PDGFD: variants seen among roughly 807,000 people sequenced by gnomAD.
The protein encoded by PDGFD is platelet derived growth factor D.
In PDGFD, 30 loss-of-function variants were observed where a neutral mutation model predicts 44.7. That is an observed-to-expected ratio of 0.67 (90% confidence interval 0.50 to 0.91). The LOEUF (loss-of-function observed/expected upper bound fraction) is 0.91. Among genes scored for constraint, PDGFD ranks in the 40% least tolerant of loss-of-function variants. The pLI, the probability that PDGFD is intolerant of heterozygous loss-of-function variation, is 0.00. For synonymous variants in PDGFD, 173 were observed against 168.4 expected, an observed-to-expected ratio of 1.03 and a Z score of -0.21; for missense variants, 445 against 457.8, an observed-to-expected ratio of 0.97 and a Z score of 0.25.
chr11:103,995,304 G>A (rs1416044651), intron 3 of PDGFD, among the ~76,000 whole-genome samples: 1 of 152,144 alleles, frequency 6.6e-6, no homozygotes. Flanking sequence ...CAAAGAACAG[G>A]AACTTACTAT....
intron 1 of PDGFD, among the ~76,000 whole-genome samples, chr11:104,144,529 C>A (rs551612908): frequency 0.13 from 11,362 of 89,582 alleles, 720 homozygotes; most frequent in South Asian, 0.23. Context: ...AAAAAAAAAA[C>A]CCAACAAAAC....
chr11:104,027,608 C>T (rs1860061737), intron 1 of PDGFD, among the ~76,000 whole-genome samples: 1 of 152,178 alleles, frequency 6.6e-6, no homozygotes, highest in Non-Finnish European at 1.5e-5. Flanking sequence ...GGCACTTAAG[C>T]TCTACTTTTG....
chr11:103,960,698 G>C (rs1417927007), intron 3 of PDGFD, among the ~76,000 whole-genome samples: 1 of 152,116 alleles, frequency 6.6e-6, no homozygotes, highest in Admixed American at 6.6e-5. Flanking sequence ...TAGTCAGTTG[G>C]AGCAGCTAGA....
rs559153072 is a variant in PDGFD at position 103,987,032 on chromosome 11, C to T, written c.510+9033G>A. ...GCTTCAACTCCCTATAATTTCATCTCCATCCTGACCAATCAGCACTCCCCA... is the reference window on the plus strand; with the variant it reads ...GCTTCAACTCCCTATAATTTCATCTTCATCCTGACCAATCAGCACTCCCCA... On this transcript the variant is annotated intron_variant, in intron 3 of 6. Transcript: ENST00000393158. Among the ~76,000 whole-genome samples the T allele has an allele frequency of 1.5e-3, 221 of 151,750 alleles. 1 individual carries two copies. The highest frequency in any genetic ancestry group is 5.2e-3 in the African/African-American group (213 of 41,322).
Position 103,909,493 on chromosome 11 carries a change from AT to A in PDGFD, c.*200del. 1.7e-6 allele frequency: 1 copy of A among 586,938 alleles called. No homozygotes were observed. The highest frequency in any genetic ancestry group is 3.0e-6 in the Non-Finnish European group (1 of 331,774). The allele number at this position is 586,938 out of a possible 1,614,324, so 36.4% of individuals were successfully genotyped here. The stretch of plus-strand genomic sequence containing the variant: ...ACACTATTATTAAATGCAATCCTAT[AT>A]TCTTAGGTATAGAAGTTGATGATAT... On this transcript the variant is annotated 3_prime_UTR_variant, in exon 7 of 7. Coordinates refer to ENST00000393158, the MANE Select transcript of PDGFD (RefSeq NM_025208.5).
intron 1 of PDGFD, among the ~76,000 whole-genome samples, chr11:104,099,258 A>C (rs1298541267): frequency 6.6e-6 from 1 of 152,208 alleles, no homozygotes; most frequent in Non-Finnish European, 1.5e-5. Flanking sequence ...TTTGTCCTTC[A>C]CAATAAAAGT....
In PDGFD at chr11:104,144,538, A is replaced by AAAAAAAAAAAAAAACC. The variant is rs1565347744; in HGVS notation, c.124+19265_124+19266insGGTTTTTTTTTTTTTT. The stretch of plus-strand genomic sequence containing the variant: ...AAAAAAAAAAAAAAAACCCAACAAA[A>AAAAAAAAAAAAAAACC]CAAAACAAACAAACAAAAAGGCCAA... On this transcript the variant is annotated intron_variant, in intron 1 of 6. Transcript: ENST00000393158. 3.0e-5 allele frequency among the ~76,000 whole-genome samples: 4 copies of AAAAAAAAAAAAAAACC among 134,308 alleles called. 1 individual carries two copies. Among genetic ancestry groups the AAAAAAAAAAAAAAACC allele is most frequent in the African/African-American group, 1.2e-4 (4 of 32,376 alleles). The allele number at this position is 134,308 out of a possible 152,430, so 88.1% of individuals were successfully genotyped here. A position where few individuals can be genotyped will look rare whatever the true frequency, so the allele number is the denominator to read the frequency against.
At chr11:104,074,685 T>C (rs1860928894) in intron 1 of PDGFD, among the ~76,000 whole-genome samples, 1 of 152,136 alleles carries the variant, frequency 6.6e-6, no homozygotes, top group Non-Finnish European at 1.5e-5. Context: ...GGATGAATCT[T>C]AGCAAAATCA....
intron 1 of PDGFD, among the ~76,000 whole-genome samples, chr11:104,034,495 T>C (rs910110285): frequency 6.6e-6 from 1 of 152,084 alleles, no homozygotes; most frequent in Non-Finnish European, 1.5e-5. Flanking sequence ...CTCTCCATAA[T>C]GGAATAATGG....
chr11:104,129,543 T>C (rs978033142), intron 1 of PDGFD, among the ~76,000 whole-genome samples: 18 of 152,254 alleles, frequency 1.2e-4, no homozygotes, highest in Middle Eastern at 3.4e-3. Flanking sequence ...CTTGCTATAA[T>C]GGTTGCAGGG....
intron 1 of PDGFD, among the ~76,000 whole-genome samples, chr11:104,020,972 C>A (rs1008239672): frequency 1.3e-5 from 2 of 152,104 alleles, no homozygotes; most frequent in Admixed American, 6.6e-5. Flanking sequence ...ATACCTTGGG[C>A]CAAGTTGAAA....
chr11:104,091,789 C>A (rs1591159331), intron 1 of PDGFD, among the ~76,000 whole-genome samples: 1 of 152,122 alleles, frequency 6.6e-6, no homozygotes. Context: ...AAAATCTACA[C>A]CTCATTGCAA....
chr11:103,990,877 C>T (rs1859440587), intron 3 of PDGFD, among the ~76,000 whole-genome samples: 1 of 152,120 alleles, frequency 6.6e-6, no homozygotes, highest in Admixed American at 6.5e-5. Context: ...CGGTGGTTCA[C>T]ACCTGTAATC....
chr11:103,928,251 A>G (rs909734433), intron 5 of PDGFD, among the ~76,000 whole-genome samples: 6 of 152,242 alleles, frequency 3.9e-5, no homozygotes, highest in African/African-American at 1.4e-4. Context: ...ATACATGAGT[A>G]TCTTCTCACA....
At chr11:103,938,642 T>G (rs1858532223) in intron 5 of PDGFD, among the ~76,000 whole-genome samples, 1 of 152,250 alleles carries the variant, frequency 6.6e-6, no homozygotes. Flanking sequence ...GCCTATGTCC[T>G]GAATGGTATT....
rs1256863297 is a variant in PDGFD at position 104,046,882 on chromosome 11, C to T, written c.125-46627G>A. Among the ~76,000 whole-genome samples, 9 of 146,358 alleles carry T rather than the reference C, an allele frequency of 6.1e-5. 1 individual carries two copies. Among genetic ancestry groups the T allele is most frequent in the African/African-American group, 2.0e-4 (8 of 40,212 alleles). ...CATTAGGTATTTATCCTAATGCTAT[C>T]CCTCCCCTAGCCCTCCACCCCCGAC... On this transcript the variant is annotated intron_variant, in intron 1 of 6. Coordinates refer to ENST00000393158, the MANE Select transcript of PDGFD (RefSeq NM_025208.5).
At chr11:104,108,258 T>C (rs1318735967) in intron 1 of PDGFD, among the ~76,000 whole-genome samples, 1 of 151,840 alleles carries the variant, frequency 6.6e-6, no homozygotes, top group Non-Finnish European at 1.5e-5. Flanking sequence ...ACCATCAGAG[T>C]GAATACGCAA....
intron 1 of PDGFD, among the ~76,000 whole-genome samples, chr11:104,032,019 T>G (rs368313599): frequency 6.6e-6 from 1 of 151,916 alleles, no homozygotes; most frequent in Non-Finnish European, 1.5e-5. Flanking sequence ...GGGGAGAGCA[T>G]GAGGAAAAAT....
At chr11:104,036,959 A>G in intron 1 of PDGFD, 2 of 1,614,228 alleles carry the variant, frequency 1.2e-6, no homozygotes, top group Non-Finnish European at 1.7e-6. Flanking sequence ...GAAGAGATCC[A>G]GATCATCCAC....
Sources: gnomAD v4.1 joint callset for allele counts (sites outside exome capture counted in the v4.1 genomes callset) on GRCh38, gnomAD v4.1.1 for gene constraint, MANE v1.5 for transcripts, NCBI Gene and HGNC (gene_info 2026-07-23, HGNC 2026-07-21) for gene names.